FAM53A: variants seen among roughly 807,000 people sequenced by gnomAD.
The protein encoded by FAM53A is protein FAM53A.
Under a neutral mutation model 26.6 loss-of-function variants are expected in FAM53A, and 28 were observed. That is an observed-to-expected ratio of 1.05 (90% confidence interval 0.78 to 1.45). The LOEUF (loss-of-function observed/expected upper bound fraction) is 1.45. Ranked by LOEUF, FAM53A falls within the 40% of genes most tolerant of loss-of-function variation. FAM53A has a pLI of 0.00. For synonymous variants in FAM53A, 290 were observed against 253.1 expected, an observed-to-expected ratio of 1.15 and a Z score of -1.38; for missense variants, 650 against 575.8, an observed-to-expected ratio of 1.13 and a Z score of -1.32.
chr4:1,582,982 T>C, the FAM53A span, among the ~76,000 whole-genome samples: 3 of 152,228 alleles, frequency 2.0e-5, no homozygotes, highest in African/African-American at 7.2e-5. Context: ...TGACGACTCT[T>C]TCTTGGTCAT....
chr4:1,595,537 G>A, the FAM53A span, among the ~76,000 whole-genome samples: 1 of 152,182 alleles, frequency 6.6e-6, no homozygotes, highest in East Asian at 1.9e-4. Context: ...GGGGTTGGTG[G>A]GAGCCCTGGG....
At chr4:1,653,522 C>A (rs1342516502) in intron 4 of FAM53A, among the ~76,000 whole-genome samples, 1 of 152,232 alleles carries the variant, frequency 6.6e-6, no homozygotes, top group Non-Finnish European at 1.5e-5. Flanking sequence ...CCACGCCATG[C>A]ACACCCCAAG....
chr4:1,576,388 T>C, the FAM53A span, among the ~76,000 whole-genome samples: 1 of 152,192 alleles, frequency 6.6e-6, no homozygotes, highest in Admixed American at 6.5e-5. Flanking sequence ...ATAACCGTGA[T>C]TTGAGGGGAC....
intron 4 of FAM53A, among the ~76,000 whole-genome samples, chr4:1,652,001 C>G (rs1712836949): frequency 1.5e-5 from 2 of 129,472 alleles, no homozygotes; most frequent in African/African-American, 5.6e-5. Flanking sequence ...CTCACACACA[C>G]ACCACACACG....
chr4:1,591,002 A>ATATATATATATAT, the FAM53A span, among the ~76,000 whole-genome samples: 9 of 116,206 alleles, frequency 7.7e-5, no homozygotes, highest in Admixed American at 1.7e-4. Flanking sequence ...ATATATATAT[A>ATATATATATATAT]ATCATTCTAT....
Position 1,668,788 on chromosome 4 carries a change from C to T in FAM53A, c.-47G>A. The stretch of plus-strand genomic sequence containing the variant: ...GTCCACACCAACAGGCACTGGAGTC[C>T]TGGAACATCAGACTTGCGAAGGCCC... On this transcript the variant is annotated 5_prime_UTR_variant, in exon 2 of 5. Coordinates refer to ENST00000308132, the MANE Select transcript of FAM53A (RefSeq NM_001174070.3). The T allele has an allele frequency of 6.3e-7, 1 of 1,588,704 alleles. No individual in the cohort carries two copies.
the FAM53A span, among the ~76,000 whole-genome samples, chr4:1,605,087 G>A: frequency 2.6e-5 from 4 of 152,266 alleles, no homozygotes; most frequent in Non-Finnish European, 4.4e-5. This position sits in a 1 kb window ranked among gnomAD's most constrained non-coding sequence, Gnocchi z 5.7. Flanking sequence ...GCTGAGTCTC[G>A]GGTGTGCAGG....
At chr4:1,663,670 G>A (rs1346770703) in intron 2 of FAM53A, among the ~76,000 whole-genome samples, 6 of 152,018 alleles carry the variant, frequency 3.9e-5, no homozygotes, top group African/African-American at 1.5e-4. Flanking sequence ...CATTATGTGG[G>A]TTCCACTTTA....
chr4:1,650,802 G>T (rs1204712555), intron 4 of FAM53A, among the ~76,000 whole-genome samples: 3 of 146,628 alleles, frequency 2.0e-5, no homozygotes, highest in Admixed American at 1.4e-4. Context: ...GGCGGGTTTT[G>T]TTTTTTTTTT....
At chr4:1,623,391 G>A (rs905502884) in intron 1 of FAM53A, among the ~76,000 whole-genome samples, 6 of 150,568 alleles carry the variant, frequency 4.0e-5, no homozygotes, top group Admixed American at 2.0e-4. Flanking sequence ...GCAGAGTTGC[G>A]TTTCCGGCCC....
the FAM53A span, among the ~76,000 whole-genome samples, chr4:1,610,367 G>T: frequency 2.6e-5 from 4 of 152,214 alleles, no homozygotes; most frequent in Non-Finnish European, 4.4e-5. Context: ...GTGCAGGGGA[G>T]CCCAAGGGGC....
At chr4:1,594,789 G>A in the FAM53A span, among the ~76,000 whole-genome samples, 3 of 152,218 alleles carry the variant, frequency 2.0e-5, no homozygotes, top group East Asian at 5.8e-4. Context: ...GCTGCAGTGA[G>A]CCGTGATGGT....
intron 1 of FAM53A, among the ~76,000 whole-genome samples, chr4:1,631,624 G>A (rs1165700498): frequency 2.0e-5 from 3 of 152,134 alleles, no homozygotes; most frequent in African/African-American, 7.2e-5. Context: ...ACGCCCCAGA[G>A]AAAGAGAGTG....
At chr4:1,578,439 G>A in the FAM53A span, among the ~76,000 whole-genome samples, 1 of 77,780 alleles carries the variant, frequency 1.3e-5, no homozygotes, top group African/African-American at 4.1e-5. Context: ...CCGGTGTGTA[G>A]AAGGGCGCGA....
At chr4:1,626,148 G>A (rs542873739) in intron 1 of FAM53A, among the ~76,000 whole-genome samples, 1 of 152,294 alleles carries the variant, frequency 6.6e-6, no homozygotes, top group African/African-American at 2.4e-5. Context: ...TGGTGCATAG[G>A]GCTTTCGTCT....
chr4:1,604,917 G>C, the FAM53A span, among the ~76,000 whole-genome samples: 2 of 152,052 alleles, frequency 1.3e-5, no homozygotes, highest in Non-Finnish European at 2.9e-5. Context: ...ACTCCCCAAG[G>C]CTCTGGCCCT....
chr4:1,608,376 C>G, the FAM53A span, among the ~76,000 whole-genome samples: 17 of 152,176 alleles, frequency 1.1e-4, no homozygotes, highest in African/African-American at 4.1e-4. Flanking sequence ...TAATTCCCTC[C>G]ACAGTGGCGA....
chr4:1,596,294 G>T, the FAM53A span, among the ~76,000 whole-genome samples: 6 of 152,322 alleles, frequency 3.9e-5, no homozygotes, highest in South Asian at 1.2e-3. Flanking sequence ...ATGCTGTCCG[G>T]ATTTTTTATT....
chr4:1,593,265 C>G, the FAM53A span, among the ~76,000 whole-genome samples: 1 of 152,116 alleles, frequency 6.6e-6, no homozygotes, highest in African/African-American at 2.4e-5. Flanking sequence ...GCAGAGGCAC[C>G]CACGTCCCCG....
Sources: gnomAD v4.1 joint callset for allele counts (sites outside exome capture counted in the v4.1 genomes callset) on GRCh38, gnomAD v4.1.1 for gene constraint, Gnocchi (gnomAD v3.1) non-coding constraint, MANE v1.5 for transcripts, NCBI Gene and HGNC (gene_info 2026-07-23, HGNC 2026-07-21) for gene names.